RRH: variants seen among roughly 807,000 people sequenced by gnomAD.
RRH encodes visual pigment-like receptor peropsin.
A neutral mutation model predicts 33.1 loss-of-function variants in RRH; 36 were observed. The ratio of observed to expected loss-of-function variants is 1.09; its 90% CI spans 0.83 to 1.44. The LOEUF (loss-of-function observed/expected upper bound fraction) is 1.44, where lower values mean the gene tolerates loss of function less well. Ranked by LOEUF, RRH falls within the 40% of genes most tolerant of loss-of-function variation. The pLI is 0.00. For missense variants in RRH, 393 were observed against 420.2 expected (o/e 0.94, Z 0.57); for synonymous variants, 124 against 140.2 (o/e 0.88, Z 0.82).
intron 6 of RRH, among the ~76,000 whole-genome samples, chr4:109,843,219 C>G (rs1734015577): frequency 6.6e-6 from 1 of 152,164 alleles, no homozygotes; most frequent in Non-Finnish European, 1.5e-5. Context: ...TTTCTGCCTC[C>G]TCAGTGAAGT....
rs1336132537 is a variant in RRH at position 109,837,598 on chromosome 4, TAACA to T, written c.716_719del (p.Thr239ArgfsTer4). The stretch of plus-strand genomic sequence containing the variant: ...AGAGACTGGTCAGATCAGATAGATG[TAACA>T]AAGGTAAGAGATCAAAATCCTTGAA... On this transcript the variant is annotated frameshift_variant, in exon 5 of 7. Transcript: ENST00000317735. LOFTEE classifies it high-confidence loss of function. 6.2e-7 allele frequency: 1 copy of T among 1,613,330 alleles called. No individual in the cohort carries two copies. The highest frequency in any genetic ancestry group is 1.3e-5 in the African/African-American group (1 of 74,920).
At position 109,835,538 on chromosome 4, in the gene RRH, A is replaced by G. The variant is rs1466140922; in HGVS notation, c.397+73A>G. 4.8e-6 allele frequency: 5 copies of G among 1,038,242 alleles called. No homozygotes were observed. In the Admixed American group the frequency reaches 5.1e-5, roughly 11 times the overall value. The allele number at this position is 1,038,242 out of a possible 1,614,324, so 64.3% of individuals were successfully genotyped here. Reference sequence around the variant, plus strand: ...TGGCCACTCAATATATATATACGCTAAAATATAAACCTAATGGTTTGTAGT... The same window carrying G: ...TGGCCACTCAATATATATATACGCTGAAATATAAACCTAATGGTTTGTAGT... On this transcript the variant is annotated intron_variant, in intron 3 of 6. Transcript: ENST00000317735.
chr4:109,834,503 T>TC (rs1190084769), intron 2 of RRH, among the ~76,000 whole-genome samples: 2 of 120,736 alleles, frequency 1.7e-5, no homozygotes, highest in Non-Finnish European at 3.9e-5. Context: ...CTAATTTTTT[T>TC]TTTTGTATTT....
intron 1 of RRH, among the ~76,000 whole-genome samples, chr4:109,829,332 A>T (rs1733701119): frequency 6.6e-6 from 1 of 151,902 alleles, no homozygotes; most frequent in African/African-American, 2.4e-5. Flanking sequence ...TTGTAATTGC[A>T]AAAAAGACTG....
chr4:109,837,461 A>G lies in RRH; in HGVS notation c.576A>G (p.Thr192=), dbSNP rs371430612. 9 of 1,613,942 alleles carry G rather than the reference A, an allele frequency of 5.6e-6. 1 individual carries two copies. The African/African-American group carries it at 1.2e-4, about 22-fold the overall frequency. Residue 192 remains threonine, a synonymous_variant, in exon 5 of 7, where the codon ACA becomes ACG. Coordinates refer to ENST00000317735, the MANE Select transcript of RRH (RefSeq NM_006583.5). The stretch of plus-strand genomic sequence containing the variant: ...GATCTTTTGTGTCTTACACCATGAC[A>G]GTTATTGCGATAAATTTTATTGTGC... ...NDRSFVSYTM[T]VIAINFIVPL...
rs759200283 is a variant in RRH, at chr4:109,833,318, G to A, written c.286G>A (p.Ala96Thr). 24 of 1,613,612 alleles carry A rather than the reference G, an allele frequency of 1.5e-5. No individual in the cohort carries two copies. The Admixed American group carries it at 2.2e-4, about 15-fold the overall frequency. The change falls in exon 2 of 7, where the codon GCA becomes ACA. Residue 96 changes from alanine to threonine, a missense_variant. Ala to Thr is a moderately conservative substitution (Grantham distance 58). Transcript: ENST00000317735. Reference sequence around the variant, plus strand: ...GTATGGAAGTTGGAAATTTGGATACGCAGGCTGTCAGGTATTGGAGATCAT... The same window carrying A: ...GTATGGAAGTTGGAAATTTGGATACACAGGCTGTCAGGTATTGGAGATCAT... ...DLYGSWKFGY[A>T]GCQVYAGLNI...
In RRH at chr4:109,835,987, T is replaced by A. The variant is rs1356067342; in HGVS notation, c.398-20T>A. 1.2e-6 allele frequency: 2 copies of A among 1,614,088 alleles called. No individual in the cohort carries two copies. Among genetic ancestry groups the A allele is most frequent in the Non-Finnish European group, 1.7e-6 (2 of 1,179,936 alleles). On this transcript the variant is annotated intron_variant, in intron 3 of 6. Coordinates refer to ENST00000317735, the MANE Select transcript of RRH (RefSeq NM_006583.5). ...CCATTAATGGCAAATGTTGCTAATA[T>A]TTCCTGTGCTTGATAATAGGGAGAA...
intron 1 of RRH, among the ~76,000 whole-genome samples, chr4:109,829,168 C>A (rs953050775): frequency 3.3e-5 from 2 of 60,248 alleles, no homozygotes; most frequent in African/African-American, 1.3e-4. Context: ...CATCCTATAC[C>A]CAGTTTATAA....
intron 5 of RRH, among the ~76,000 whole-genome samples, chr4:109,841,296 C>T (rs1371705767): frequency 6.6e-6 from 1 of 152,142 alleles, no homozygotes; most frequent in Admixed American, 6.6e-5. Context: ...ACAAGTCTAT[C>T]TCCAAGTTTT....
chr4:109,841,566 C>T (rs1357861040), intron 5 of RRH, among the ~76,000 whole-genome samples: 1 of 151,964 alleles, frequency 6.6e-6, no homozygotes, highest in Non-Finnish European at 1.5e-5. Flanking sequence ...CCATGTGCAC[C>T]CCCACATCTA....
At chr4:109,828,567 T>C (rs1733685565) in intron 1 of RRH, among the ~76,000 whole-genome samples, 1 of 151,972 alleles carries the variant, frequency 6.6e-6, no homozygotes, top group East Asian at 1.9e-4. Flanking sequence ...TACATAACCC[T>C]CATATTTTTG....
chr4:109,834,390 C>T (rs1374994987), intron 2 of RRH, among the ~76,000 whole-genome samples: 6 of 146,468 alleles, frequency 4.1e-5, no homozygotes, highest in South Asian at 2.1e-4. Context: ...AGTGCAGTGG[C>T]GTGATCTCCG....
intron 4 of RRH, 129 bp from the exon 5 acceptor site, chr4:109,837,307 CA>C (rs776430938): frequency 3.2e-5 from 28 of 885,940 alleles, no homozygotes; most frequent in Non-Finnish European, 5.0e-5. Context: ...AACTAAAAGT[CA>C]AATATACTTC....
At chr4:109,828,479 A>G (rs1733683620) in intron 1 of RRH, among the ~76,000 whole-genome samples, 1 of 152,118 alleles carries the variant, frequency 6.6e-6, no homozygotes, top group Non-Finnish European at 1.5e-5. Context: ...GTATTTGATT[A>G]TTGGATTGTT....
chr4:109,839,365 G>C (rs1195704230), intron 5 of RRH, among the ~76,000 whole-genome samples: 1 of 152,116 alleles, frequency 6.6e-6, no homozygotes, highest in Non-Finnish European at 1.5e-5. Context: ...ACCTCCCCCT[G>C]TTCCCAGCCT....
chr4:109,831,752 G>T (rs185544072), intron 1 of RRH, among the ~76,000 whole-genome samples: 1 of 152,254 alleles, frequency 6.6e-6, no homozygotes, highest in African/African-American at 2.4e-5. Context: ...AACAGATGAG[G>T]CAAAGAGCCT....
intron 1 of RRH, among the ~76,000 whole-genome samples, chr4:109,829,974 A>G (rs1018567357): frequency 2.0e-5 from 3 of 152,180 alleles, no homozygotes; most frequent in African/African-American, 7.2e-5. Flanking sequence ...AACCAAAACT[A>G]TGAGGAAAGG....
intron 5 of RRH, among the ~76,000 whole-genome samples, chr4:109,841,564 AC>A (rs1202910720): frequency 6.6e-6 from 1 of 151,850 alleles, no homozygotes; most frequent in African/African-American, 2.4e-5. Flanking sequence ...CTCCATGTGC[AC>A]CCCCACATCT....
At chr4:109,842,323 GA>G (rs377321863) in intron 5 of RRH, 145 bp from the exon 6 acceptor site, 132 of 741,786 alleles carry the variant, frequency 1.8e-4, no homozygotes, top group Non-Finnish European at 2.1e-4. Context: ...ATTGAAGGCA[GA>G]AAAAAAACTC....
Sources: gnomAD v4.1 joint callset for allele counts (sites outside exome capture counted in the v4.1 genomes callset) on GRCh38, gnomAD v4.1.1 for gene constraint, MANE v1.5 for transcripts, NCBI Gene and HGNC (gene_info 2026-07-23, HGNC 2026-07-21) for gene names.